The following MCTP2 variants were observed in gnomAD, a reference collection of about 807,000 sequenced individuals.
MCTP2 encodes multiple C2 and transmembrane domain containing 2, also known as multiple C2 and transmembrane domain-containing protein 2.
In MCTP2, 132 loss-of-function variants were observed where a neutral mutation model predicts 111.6. The observed-to-expected ratio is 1.18, with a 90% CI of 1.03 to 1.37. The LOEUF is 1.37. Ranked by LOEUF, MCTP2 falls within the 40% of genes most tolerant of loss-of-function variation. MCTP2 has a pLI of 0.00. For missense variants in MCTP2, 1,183 were observed against 1,067.9 expected (o/e 1.11, Z -1.50); for synonymous variants, 395 against 387.7 (o/e 1.02, Z -0.22).
intron 17 of MCTP2, among the ~76,000 whole-genome samples, chr15:94,405,563 G>A (rs745695920): frequency 2.6e-5 from 4 of 152,160 alleles, no homozygotes; most frequent in Non-Finnish European, 5.9e-5. Context: ...TCTACCATGC[G>A]ATTTATCACT....
At chr15:94,342,954 A>G (rs1486105774) in intron 7 of MCTP2, 2 of 150,376 alleles carry the variant, frequency 1.3e-5, no homozygotes, top group Non-Finnish European at 3.0e-5. Context: ...ATATGGATAC[A>G]TGTATATATA....
In MCTP2 at chr15:94,481,428, G is replaced by A. The variant is rs2074720482; in HGVS notation, c.*2394G>A. The A allele has an allele frequency of 6.6e-6, 1 of 152,106 alleles. No individual in the cohort carries two copies. The highest frequency in any genetic ancestry group is 2.4e-5 in the African/African-American group (1 of 41,406). The allele number at this position is 152,106 out of a possible 1,614,324, so 9.4% of individuals were successfully genotyped here. On this transcript the variant is annotated 3_prime_UTR_variant, in exon 23 of 23. Transcript: ENST00000357742. ...GTCTCCCAACCCCTAAAGCCTAGTAGGTCCAGTGTCAATGCATTAACCACT... is the reference window on the plus strand; with the variant it reads ...GTCTCCCAACCCCTAAAGCCTAGTAAGTCCAGTGTCAATGCATTAACCACT...
intron 12 of MCTP2, among the ~76,000 whole-genome samples, chr15:94,377,860 A>G (rs1239928126): frequency 6.6e-6 from 1 of 152,144 alleles, no homozygotes; most frequent in Admixed American, 6.5e-5. Flanking sequence ...GGCACCGCAG[A>G]GAAGAAGGAA....
At chr15:94,253,112 C>G (rs1406826634) in intron 1 of MCTP2, among the ~76,000 whole-genome samples, 2 of 152,172 alleles carry the variant, frequency 1.3e-5, no homozygotes, top group Non-Finnish European at 2.9e-5. Flanking sequence ...TCTCTTTCCT[C>G]TGTGCTGCCA....
intron 14 of MCTP2, among the ~76,000 whole-genome samples, chr15:94,387,579 C>G (rs777578905): frequency 1.3e-5 from 2 of 152,160 alleles, no homozygotes; most frequent in Non-Finnish European, 2.9e-5. Flanking sequence ...GTTGTTCATT[C>G]GTTTGTTCCA....
chr15:94,377,639 G>A (rs56302955), intron 12 of MCTP2, among the ~76,000 whole-genome samples: 42,160 of 152,008 alleles, frequency 0.28, 6,550 homozygotes, highest in African/African-American at 0.4. Flanking sequence ...TCTCTGTGAT[G>A]CCTTATGATT....
At chr15:94,296,761 C>T (rs574437381) in intron 1 of MCTP2, among the ~76,000 whole-genome samples, 13 of 152,318 alleles carry the variant, frequency 8.5e-5, no homozygotes, top group African/African-American at 2.6e-4. Flanking sequence ...GGTCCTACCT[C>T]TAAGTAGAAC....
intron 4 of MCTP2, among the ~76,000 whole-genome samples, chr15:94,318,564 C>T (rs762329995): frequency 3.9e-4 from 60 of 152,278 alleles, no homozygotes; most frequent in African/African-American, 1.2e-3. Flanking sequence ...TGAGCCACCA[C>T]GCCCGGCCAA....
chr15:94,360,018 C>G (rs1293582646), intron 10 of MCTP2, among the ~76,000 whole-genome samples: 1 of 152,154 alleles, frequency 6.6e-6, no homozygotes, highest in South Asian at 2.1e-4. Context: ...AGTAACTTTC[C>G]TTGATTATTG....
At chr15:94,244,478 G>A (rs1039699656) in intron 1 of MCTP2, among the ~76,000 whole-genome samples, 1 of 141,838 alleles carries the variant, frequency 7.1e-6, no homozygotes, top group African/African-American at 2.6e-5. Flanking sequence ...ATGCACCTAT[G>A]TTTATATACG....
chr15:94,232,215 A>C (rs1596108441), intron 1 of MCTP2, among the ~76,000 whole-genome samples: 1 of 152,210 alleles, frequency 6.6e-6, no homozygotes, highest in Non-Finnish European at 1.5e-5. Flanking sequence ...TTGAGTGGCG[A>C]TTAGTTTCCG....
At chr15:94,393,371 A>C (rs1471995459) in intron 14 of MCTP2, among the ~76,000 whole-genome samples, 1 of 152,192 alleles carries the variant, frequency 6.6e-6, no homozygotes, top group African/African-American at 2.4e-5. Context: ...TGAAGGATGA[A>C]GTCATTGAGG....
intron 17 of MCTP2, among the ~76,000 whole-genome samples, chr15:94,416,582 A>T (rs1328321500): frequency 6.6e-6 from 1 of 152,168 alleles, no homozygotes; most frequent in Non-Finnish European, 1.5e-5. Context: ...AAAAATTCAA[A>T]CAAAAATCTG....
intron 17 of MCTP2, among the ~76,000 whole-genome samples, chr15:94,435,629 C>CTTTTTTTTTTTTTTTTTTTTTTTTTT (rs202170550): frequency 2.6e-4 from 31 of 117,918 alleles, no homozygotes; most frequent in Non-Finnish European, 5.0e-4. Flanking sequence ...TTTTTTTATT[C>CTTTTTTTTTTTTTTTTTTTTTTTTTT]TTTTTTTTTT....
chr15:94,402,849 G>A, intron 17 of MCTP2: 1 of 1,277,078 alleles, frequency 7.8e-7, no homozygotes. Flanking sequence ...CGAGGTATGA[G>A]TGGTCTAAGA....
chr15:94,309,624 T>C (rs1044533575), intron 2 of MCTP2, among the ~76,000 whole-genome samples: 5 of 152,216 alleles, frequency 3.3e-5, no homozygotes, highest in Non-Finnish European at 7.3e-5. Context: ...AACAGTTTCT[T>C]GCCCTCAATC....
At chr15:94,451,503 CATTT>C (rs1159026864) in intron 19 of MCTP2, among the ~76,000 whole-genome samples, 10 of 152,284 alleles carry the variant, frequency 6.6e-5, no homozygotes, top group Admixed American at 1.3e-4. Flanking sequence ...TAATCTTGTT[CATTT>C]ATTTAATCAC....
At chr15:94,244,117 TATATACAC>T (rs2071463670) in intron 1 of MCTP2, among the ~76,000 whole-genome samples, 1 of 147,404 alleles carries the variant, frequency 6.8e-6, no homozygotes, top group Non-Finnish European at 1.5e-5. Context: ...TGTATATGTT[TATATACAC>T]ATGTATACAC....
At position 94,331,876 on chromosome 15, in the gene MCTP2, C is replaced by T. The variant is rs112891532; in HGVS notation, c.638-7414C>T. On this transcript the variant is annotated intron_variant, in intron 4 of 22. Coordinates refer to ENST00000357742, the MANE Select transcript of MCTP2 (RefSeq NM_001385001.1). ...AATCAGAGTGTGCTAAATGGCAAAA[C>T]ATGGACAGGAAGGCCAGTAGAAGAC... is the stretch of plus-strand genomic sequence containing the variant. Among the ~76,000 whole-genome samples, 213 of 152,238 alleles carry T rather than the reference C, an allele frequency of 1.4e-3. 1 individual carries two copies. The highest frequency in any genetic ancestry group is 4.9e-3 in the African/African-American group (205 of 41,546).
Sources: gnomAD v4.1 joint callset for allele counts (sites outside exome capture counted in the v4.1 genomes callset) on GRCh38, gnomAD v4.1.1 for gene constraint, MANE v1.5 for transcripts, NCBI Gene and HGNC (gene_info 2026-07-23, HGNC 2026-07-21) for gene names.